The following CIITA variants were observed in gnomAD, a reference collection of about 807,000 sequenced individuals.
The protein encoded by CIITA is class II major histocompatibility complex transactivator, also known as MHC class II transactivator.
A neutral mutation model predicts 115.1 loss-of-function variants in CIITA; 72 were observed. That is an observed-to-expected ratio of 0.63 (90% CI 0.52 to 0.76). The LOEUF (loss-of-function observed/expected upper bound fraction) is 0.76, where lower values mean the gene tolerates loss of function less well. Ranked by LOEUF, CIITA falls within the 30% of genes least tolerant of loss-of-function variation. CIITA has a pLI of 0.00. For synonymous variants in CIITA, 763 were observed against 635.6 expected (o/e 1.20, Z -3.02); for missense variants, 1,617 against 1,463.8 (o/e 1.10, Z -1.71).
chr16:10,898,950 C>A lies in CIITA; in HGVS notation c.384C>A (p.Ile128=). The change falls in exon 5 of 20, where the codon ATC becomes ATA. Residue 128 remains isoleucine (I), a synonymous_variant. Transcript: ENST00000324288. ...IFKHIGPDEV[I]GESMEMPAEV... Reference sequence around the variant, plus strand: ...AGCACATAGGACCAGATGAAGTGATCGGTGAGAGTATGGAGATGCCAGCAG... The same window carrying A: ...AGCACATAGGACCAGATGAAGTGATAGGTGAGAGTATGGAGATGCCAGCAG... The A allele has an allele frequency of 6.2e-7, 1 of 1,613,906 alleles. No individual in the cohort carries two copies. The highest frequency in any genetic ancestry group is 8.5e-7 in the Non-Finnish European group (1 of 1,179,970).
intron 8 of CIITA, among the ~76,000 whole-genome samples, chr16:10,903,315 T>C (rs1731509305): frequency 6.6e-6 from 1 of 152,198 alleles, no homozygotes; most frequent in African/African-American, 2.4e-5. Flanking sequence ...GTGTTTGGGC[T>C]GTCAGGGATG....
chr16:10,880,797 G>C (rs558202709), intron 1 of CIITA, among the ~76,000 whole-genome samples: 6 of 152,312 alleles, frequency 3.9e-5, no homozygotes, highest in Non-Finnish European at 8.8e-5. Context: ...CTTAGCCTCA[G>C]ATTTGCCTTG....
intron 3 of CIITA, 89 bp from the exon 4 acceptor site, chr16:10,898,581 G>A (rs1339371758): frequency 7.9e-6 from 9 of 1,137,898 alleles, no homozygotes; most frequent in Non-Finnish European, 1.2e-5. Context: ...TGTGTGCCAG[G>A]CCCAGAGGTT....
At position 10,923,437 on chromosome 16, in the gene CIITA, C is replaced by G; in HGVS notation, c.*22+112C>G. 1.2e-6 allele frequency: 1 copy of G among 806,684 alleles called. No homozygotes were observed. The allele number at this position is 806,684 out of a possible 1,614,324, so 50.0% of individuals were successfully genotyped here. A position where few individuals can be genotyped will look rare whatever the true frequency, so the allele number is the denominator to read the frequency against. ...GACACAGGTGGGGCTAGGCCACCACCCTTGGACGCATGCGTCATCAGAGAC... is the reference window on the plus strand; with the variant it reads ...GACACAGGTGGGGCTAGGCCACCACGCTTGGACGCATGCGTCATCAGAGAC... On this transcript the variant is annotated intron_variant, in intron 19 of 19. Transcript: ENST00000324288. The surrounding 1 kb of genome is among the most constrained non-coding windows in gnomAD (Gnocchi z 5.2).
chr16:10,912,983 G>T (rs780915014), intron 13 of CIITA, among the ~76,000 whole-genome samples: 23 of 152,214 alleles, frequency 1.5e-4, no homozygotes, highest in Non-Finnish European at 3.1e-4. Flanking sequence ...AACCCTACAG[G>T]GACTTCGTTT....
chr16:10,878,947 T>C (rs1316753428), intron 1 of CIITA: 1 of 225,530 alleles, frequency 4.4e-6, no homozygotes, highest in Non-Finnish European at 8.8e-6. Flanking sequence ...GGAGGTAGGA[T>C]GACCAGCGGA....
intron 3 of CIITA, 90 bp downstream of exon 3, chr16:10,895,854 C>T (rs1238912403): frequency 3.3e-6 from 4 of 1,207,486 alleles, no homozygotes; most frequent in South Asian, 1.3e-5. Flanking sequence ...TCATGAGCCA[C>T]GTCAGTCCCC....
Position 10,923,223 on chromosome 16 carries a change from T to C in CIITA, c.3318-5T>C. ...CCTGGCTCTGAGTCCCATCCCCCCTTGCAGGATGTGGACGCCCACCATCCC... is the reference window on the plus strand; with the variant it reads ...CCTGGCTCTGAGTCCCATCCCCCCTCGCAGGATGTGGACGCCCACCATCCC... On this transcript the variant is annotated splice_polypyrimidine_tract_variant and splice_region_variant and intron_variant, in intron 18 of 19. Coordinates refer to ENST00000324288, the MANE Select transcript of CIITA (RefSeq NM_000246.4). The surrounding 1 kb of genome is among the most constrained non-coding windows in gnomAD (Gnocchi z 5.2). 1.2e-6 allele frequency: 2 copies of C among 1,612,470 alleles called. No homozygotes were observed. The highest frequency in any genetic ancestry group is 1.7e-6 in the Non-Finnish European group (2 of 1,179,686).
At chr16:10,914,295 G>C (rs1008279597) in intron 13 of CIITA, among the ~76,000 whole-genome samples, 3 of 152,214 alleles carry the variant, frequency 2.0e-5, no homozygotes, top group Non-Finnish European at 4.4e-5. Flanking sequence ...CTTTAGCAGG[G>C]AGCCAAATGC....
rs1444581981 is a variant in CIITA at position 10,916,379 on chromosome 16, G to A, written c.2982G>A (p.Leu994=). 1 of 1,613,932 alleles carries A rather than the reference G, an allele frequency of 6.2e-7. No individual in the cohort carries two copies. Among genetic ancestry groups the A allele is most frequent in the Non-Finnish European group, 8.5e-7 (1 of 1,179,926 alleles). Reference sequence around the variant, plus strand: ...ATTCCACCTGCAGCCTGGATGCGCTGAGTGAGAACAAGATCGGGGACGAGG... The same window carrying A: ...ATTCCACCTGCAGCCTGGATGCGCTAAGTGAGAACAAGATCGGGGACGAGG... The part of the protein sequence containing the change: ...SSLQHLDLDA[L]SENKIGDEGV... Residue 994 remains leucine (L), a synonymous_variant, in exon 15 of 20, where the codon CTG becomes CTA. Transcript: ENST00000324288.
rs754302453 is a variant in CIITA at position 10,935,737 on chromosome 16, A to G, written c.*11882A>G. 4 of 152,222 alleles carry G rather than the reference A, an allele frequency of 2.6e-5. No individual in the cohort carries two copies. Among genetic ancestry groups the G allele is most frequent in the Non-Finnish European group, 5.9e-5 (4 of 68,036 alleles). 9.4% of individuals were successfully genotyped at this position (152,222 alleles called of 1,614,324 possible). A position where few individuals can be genotyped will look rare whatever the true frequency, so the allele number is the denominator to read the frequency against. On this transcript the variant is annotated 3_prime_UTR_variant, in exon 20 of 20. Coordinates refer to ENST00000324288, the MANE Select transcript of CIITA (RefSeq NM_000246.4). The stretch of plus-strand genomic sequence containing the variant: ...CTGAAGACACACACTCACTTCTGCA[A>G]TATTCCTGCCAAGAATGCCTCATCT...
intron 13 of CIITA, 81 bp from the exon 14 acceptor site, chr16:10,915,489 C>A: frequency 8.9e-7 from 1 of 1,125,778 alleles, no homozygotes; most frequent in Non-Finnish European, 1.4e-6. Flanking sequence ...GACTTCTGTG[C>A]CTTGTCTCTG....
chr16:10,897,593 C>A (rs748850153), intron 3 of CIITA, among the ~76,000 whole-genome samples: 8 of 152,188 alleles, frequency 5.3e-5, no homozygotes, highest in Non-Finnish European at 8.8e-5. Context: ...GAAGCCCAGG[C>A]CTGGGCAAGT....
chr16:10,880,692 T>C (rs2036336233), intron 1 of CIITA, among the ~76,000 whole-genome samples: 1 of 152,160 alleles, frequency 6.6e-6, no homozygotes, highest in Admixed American at 6.5e-5. Context: ...CTCAGATACC[T>C]TGAGAAGAGC....
Position 10,879,266 on chromosome 16 carries a change from G to A in CIITA, c.52+1884G>A, listed in dbSNP as rs2036163420. ...CGGAGCTTGGCTTGCTGTGCCCAGA[G>A]CTCCGGGGCCGTGGGCGGGTGGCAG... On this transcript the variant is annotated intron_variant, in intron 1 of 19. Transcript: ENST00000324288. The surrounding 1 kb of genome is among the most constrained non-coding windows in gnomAD (Gnocchi z 4.3). 2.0e-5 allele frequency among the ~76,000 whole-genome samples: 3 copies of A among 152,306 alleles called. No individual in the cohort carries two copies. Among genetic ancestry groups the A allele is most frequent in the East Asian group, 1.9e-4 (1 of 5,168 alleles).
downstream of CIITA, chr16:10,936,416 C>T (rs2041023183): frequency 6.6e-6 from 1 of 152,124 alleles, no homozygotes; most frequent in South Asian, 2.1e-4. Context: ...AACCCATTTT[C>T]AAATGCTTAT....
At chr16:10,938,799 G>C (rs1171192968), downstream of CIITA, 3 of 152,166 alleles carry the variant, frequency 2.0e-5, no homozygotes, top group African/African-American at 7.2e-5. This position sits in a 1 kb window ranked among gnomAD's most constrained non-coding sequence, Gnocchi z 4.9. Context: ...GCTTTGCAAG[G>C]GTGTCCCTGA....
intron 2 of CIITA, 118 bp from the exon 3 acceptor site, chr16:10,895,551 T>G (rs1322577411): frequency 2.2e-5 from 34 of 1,545,142 alleles, no homozygotes; most frequent in Non-Finnish European, 2.9e-5. Context: ...CTCCCACGTC[T>G]GTGGGACGCT....
Position 10,926,211 on chromosome 16 carries a change from C to T in CIITA, c.*2356C>T, listed in dbSNP as rs751868995. ...GGTCTGAGGAATCCAGACCCGGCTG[C>T]GTGGTTGATGATCTTTGCAGACAGG... On this transcript the variant is annotated 3_prime_UTR_variant, in exon 20 of 20. Coordinates refer to ENST00000324288, the MANE Select transcript of CIITA (RefSeq NM_000246.4). 7 of 152,260 alleles carry T rather than the reference C, an allele frequency of 4.6e-5. No homozygotes were observed. The highest frequency in any genetic ancestry group is 7.2e-5 in the African/African-American group (3 of 41,468). 9.4% of individuals were successfully genotyped at this position (152,260 alleles called of 1,614,324 possible). A position where few individuals can be genotyped will look rare whatever the true frequency, so the allele number is the denominator to read the frequency against.
Sources: gnomAD v4.1 joint callset for allele counts (sites outside exome capture counted in the v4.1 genomes callset) on GRCh38, gnomAD v4.1.1 for gene constraint, Gnocchi (gnomAD v3.1) non-coding constraint, MANE v1.5 for transcripts, NCBI Gene and HGNC (gene_info 2026-07-23, HGNC 2026-07-21) for gene names.